TANC2: variants seen among roughly 807,000 people sequenced by gnomAD.
TANC2 encodes the protein protein TANC2.
Under a neutral mutation model 210.5 loss-of-function variants are expected in TANC2, and 26 were observed. That is an observed-to-expected ratio of 0.12 (90% CI 0.09 to 0.17). The LOEUF is 0.17. Among genes scored for constraint, TANC2 ranks in the 10% least tolerant of loss-of-function variants. The pLI, the probability that TANC2 is intolerant of heterozygous loss-of-function variation, is 1.00. For missense variants in TANC2, 2,129 were observed against 2,608.9 expected, an observed-to-expected ratio of 0.82 and a Z score of 4.01; for synonymous variants, 931 against 967.1, an observed-to-expected ratio of 0.96 and a Z score of 0.69.
chr17:63,426,464 A>C (rs1461506495), exon 28 of TANC2: 1 of 151,872 alleles, frequency 6.6e-6, no homozygotes, highest in African/African-American at 2.4e-5. Context: ...GTTTTCATCA[A>C]CTCCTTTTGT....
At chr17:63,108,847 A>G (rs2037925466) in intron 4 of TANC2, among the ~76,000 whole-genome samples, 1 of 151,246 alleles carries the variant, frequency 6.6e-6, no homozygotes, top group South Asian at 2.1e-4. Flanking sequence ...AAAAAATTTT[A>G]AAAAGTTGAT....
chr17:63,339,907 T>TA (rs1251396251), intron 11 of TANC2, among the ~76,000 whole-genome samples, 194 bp from the exon 12 acceptor site: 5 of 152,344 alleles, frequency 3.3e-5, no homozygotes, highest in African/African-American at 1.2e-4. Flanking sequence ...TTTCTGATCT[T>TA]ACATAAATCA....
At chr17:63,136,898 G>A (rs769938563) in intron 4 of TANC2, among the ~76,000 whole-genome samples, 55 of 152,020 alleles carry the variant, frequency 3.6e-4, no homozygotes, top group African/African-American at 1.3e-3. Flanking sequence ...AGATTGAGGC[G>A]GCAAGGGCAA....
intron 4 of TANC2, among the ~76,000 whole-genome samples, chr17:63,126,113 C>G (rs761042481): frequency 6.6e-6 from 1 of 152,146 alleles, no homozygotes; most frequent in Non-Finnish European, 1.5e-5. Context: ...AATAAGTGCT[C>G]AATTATTGCT....
intron 11 of TANC2, among the ~76,000 whole-genome samples, chr17:63,328,366 G>C (rs1430515708): frequency 2.9e-5 from 4 of 136,130 alleles, no homozygotes; most frequent in Non-Finnish European, 4.6e-5. Flanking sequence ...CATGGTATGT[G>C]TATGTGTATA....
chr17:63,213,973 G>C (rs772266337), intron 7 of TANC2, among the ~76,000 whole-genome samples: 1 of 152,146 alleles, frequency 6.6e-6, no homozygotes, highest in Non-Finnish European at 1.5e-5. Flanking sequence ...GGAAGCAAGC[G>C]TGAAGGAAAG....
At chr17:63,129,316 A>G (rs1248676654) in intron 4 of TANC2, among the ~76,000 whole-genome samples, 1 of 152,150 alleles carries the variant, frequency 6.6e-6, no homozygotes, top group African/African-American at 2.4e-5. Context: ...CTTTGTAGTA[A>G]GACATACAAG....
intron 12 of TANC2, among the ~76,000 whole-genome samples, chr17:63,348,154 GTCT>G (rs1463341594): frequency 6.6e-6 from 1 of 152,148 alleles, no homozygotes; most frequent in Non-Finnish European, 1.5e-5. Context: ...TCTGATATGA[GTCT>G]TCTTTTTCAA....
intron 7 of TANC2, among the ~76,000 whole-genome samples, chr17:63,229,284 G>C (rs1426525431): frequency 4.6e-5 from 7 of 152,088 alleles, no homozygotes; most frequent in Non-Finnish European, 4.4e-5. Flanking sequence ...AAGCCAACTT[G>C]ATCGTAGCTA....
intron 2 of TANC2, among the ~76,000 whole-genome samples, chr17:63,051,310 G>T (rs1275627509): frequency 6.6e-6 from 1 of 151,950 alleles, no homozygotes; most frequent in Non-Finnish European, 1.5e-5. Context: ...TCTTTCATTT[G>T]TGTCTTTGCA....
chr17:63,063,675 TGTG>T (rs2036090759), intron 2 of TANC2, among the ~76,000 whole-genome samples: 1 of 69,562 alleles, frequency 1.4e-5, no homozygotes, highest in Admixed American at 1.3e-4. Flanking sequence ...TACCCAGTAT[TGTG>T]TGTGTGTGTG....
At chr17:63,157,050 A>G (rs2039865109) in intron 5 of TANC2, among the ~76,000 whole-genome samples, 1 of 152,054 alleles carries the variant, frequency 6.6e-6, no homozygotes, top group Non-Finnish European at 1.5e-5. Flanking sequence ...ATTGTTTGTG[A>G]TGTGAGTTTT....
chr17:63,267,889 G>A lies in TANC2; in HGVS notation c.1159+16G>A, dbSNP rs924104776. Reference sequence around the variant, plus strand: ...GATTTAAGAGGTTAGAACCACAGAAGGGCTTTAAGGGTGCCCGGGAACAGA... The same window carrying A: ...GATTTAAGAGGTTAGAACCACAGAAAGGCTTTAAGGGTGCCCGGGAACAGA... On this transcript the variant is annotated intron_variant, in intron 9 of 27. Transcript: ENST00000689528. 4 of 1,597,606 alleles carry A rather than the reference G, an allele frequency of 2.5e-6. No individual in the cohort carries two copies.
intron 7 of TANC2, among the ~76,000 whole-genome samples, chr17:63,236,627 A>G (rs1375112221): frequency 6.6e-6 from 1 of 152,086 alleles, no homozygotes; most frequent in African/African-American, 2.4e-5. Flanking sequence ...CCCACTAAGT[A>G]ATTTCTCATC....
intron 2 of TANC2, among the ~76,000 whole-genome samples, chr17:63,056,177 A>AC (rs1406041484): frequency 7.4e-6 from 1 of 135,036 alleles, no homozygotes; most frequent in African/African-American, 3.0e-5. Flanking sequence ...TCTGTGTTAA[A>AC]AAAAAAAAAA....
At chr17:63,058,718 C>T (rs181577938) in intron 2 of TANC2, among the ~76,000 whole-genome samples, 7 of 152,108 alleles carry the variant, frequency 4.6e-5, no homozygotes, top group Admixed American at 1.3e-4. Flanking sequence ...CTTTGTTGAA[C>T]GTCAGATGGT....
At chr17:63,319,186 G>A (rs905785896) in intron 11 of TANC2, 96 bp downstream of exon 11, 34 of 1,268,668 alleles carry the variant, frequency 2.7e-5, no homozygotes, top group African/African-American at 1.5e-4. Flanking sequence ...ACAAAAATAC[G>A]TAAAGCTATA....
chr17:63,311,306 A>C (rs2045117178), intron 9 of TANC2, among the ~76,000 whole-genome samples: 1 of 152,212 alleles, frequency 6.6e-6, no homozygotes, highest in Non-Finnish European at 1.5e-5. Context: ...AAAAATGATA[A>C]TATAGATTTA....
In TANC2 at chr17:63,181,563, A is replaced by G. The variant is rs2040785375; in HGVS notation, c.434-12428A>G. ...AGGTCTGTATTTAAAATGCGTCTTC[A>G]AGGTCTTTTGTTCATTGCCCTGTGG... is the stretch of plus-strand genomic sequence containing the variant. On this transcript the variant is annotated intron_variant, in intron 5 of 27. Coordinates refer to ENST00000689528, the Ensembl canonical transcript of TANC2. Among the ~76,000 whole-genome samples, 2 of 152,248 alleles carry G rather than the reference A, an allele frequency of 1.3e-5. 1 individual carries two copies. Among genetic ancestry groups the G allele is most frequent in the South Asian group, 4.1e-4 (2 of 4,838 alleles).
Sources: gnomAD v4.1 joint callset for allele counts (sites outside exome capture counted in the v4.1 genomes callset) on GRCh38, gnomAD v4.1.1 for gene constraint, MANE v1.5 for transcripts, NCBI Gene and HGNC (gene_info 2026-07-23, HGNC 2026-07-21) for gene names.